Variants in TMEM117 observed in about 807,000 individuals in gnomAD.
The protein encoded by TMEM117 is transmembrane protein 117.
TMEM117 carries 27 observed loss-of-function variants against 52.4 expected under a neutral mutation model. That is an observed-to-expected ratio of 0.51 (90% CI 0.38 to 0.71). The LOEUF is 0.71. Ranked by LOEUF, TMEM117 falls within the 30% of genes least tolerant of loss-of-function variation. TMEM117 has a pLI of 0.00. For missense variants in TMEM117, 556 were observed against 630.5 expected (o/e 0.88, Z 1.26); for synonymous variants, 215 against 206.3 (o/e 1.04, Z -0.36).
intron 3 of TMEM117, among the ~76,000 whole-genome samples, chr12:44,044,421 T>C (rs1283942972): frequency 1.3e-5 from 2 of 152,186 alleles, no homozygotes; most frequent in Admixed American, 6.5e-5. Flanking sequence ...CCATGCAACC[T>C]GAATGAACTG....
At chr12:44,381,738 G>A (rs1006105303) in intron 7 of TMEM117, among the ~76,000 whole-genome samples, 1 of 152,110 alleles carries the variant, frequency 6.6e-6, no homozygotes, top group Non-Finnish European at 1.5e-5. Flanking sequence ...GTGAGAATGT[G>A]GAAAATAATG....
At chr12:43,967,757 A>G (rs1022447166) in intron 3 of TMEM117, among the ~76,000 whole-genome samples, 1 of 152,234 alleles carries the variant, frequency 6.6e-6, no homozygotes, top group African/African-American at 2.4e-5. Context: ...AGAAACTGAG[A>G]TAATGAATGC....
chr12:43,820,206 TC>T, the TMEM117 span, among the ~76,000 whole-genome samples: 1 of 152,162 alleles, frequency 6.6e-6, no homozygotes, highest in Non-Finnish European at 1.5e-5. Context: ...CAAGCGATTC[TC>T]CTGCCTCAGG....
chr12:44,069,588 C>T (rs994134504), intron 3 of TMEM117, among the ~76,000 whole-genome samples: 18 of 152,220 alleles, frequency 1.2e-4, no homozygotes, highest in African/African-American at 3.4e-4. Context: ...GGGGGCCTGA[C>T]TGAGTAGGGC....
intron 5 of TMEM117, among the ~76,000 whole-genome samples, chr12:44,261,133 CA>C (rs1268836143): frequency 1.3e-5 from 2 of 151,860 alleles, no homozygotes; most frequent in African/African-American, 4.8e-5. Flanking sequence ...TTAAAAAAAT[CA>C]ATTAAAAAAT....
chr12:44,046,255 A>T (rs189913224), intron 3 of TMEM117, among the ~76,000 whole-genome samples: 3 of 152,244 alleles, frequency 2.0e-5, no homozygotes, highest in African/African-American at 7.2e-5. Flanking sequence ...CACAACAACA[A>T]TTCCATTAAA....
intron 3 of TMEM117, among the ~76,000 whole-genome samples, chr12:44,095,996 G>C (rs982688915): frequency 1.3e-5 from 2 of 152,136 alleles, no homozygotes; most frequent in African/African-American, 4.8e-5. Flanking sequence ...ATCTCCTTAA[G>C]CTGATAAGCA....
At position 43,937,714 on chromosome 12, in the gene TMEM117, T is replaced by A. The variant is rs116512469; in HGVS notation, c.278-6496T>A. ...AGGATTCCATACAGTGGAATATTAT[T>A]TGTTCATTTATTTGTATAGCCTTTT... On this transcript the variant is annotated intron_variant, in intron 2 of 7. Transcript: ENST00000266534. Among the ~76,000 whole-genome samples the A allele has an allele frequency of 7.0e-3, 1,059 of 152,252 alleles. 10 individuals are homozygous for A. The highest frequency in any genetic ancestry group is 0.023 in the African/African-American group (955 of 41,520).
chr12:44,260,673 A>G (rs1470790854), intron 5 of TMEM117, among the ~76,000 whole-genome samples: 1 of 152,206 alleles, frequency 6.6e-6, no homozygotes, highest in Non-Finnish European at 1.5e-5. Flanking sequence ...ACTTCAGACT[A>G]CATGAGTTTA....
chr12:43,854,265 A>G (rs1218998732), intron 2 of TMEM117, among the ~76,000 whole-genome samples: 1 of 152,112 alleles, frequency 6.6e-6, no homozygotes, highest in Non-Finnish European at 1.5e-5. Flanking sequence ...TGCCTGCAAT[A>G]ATTCTGGCTT....
chr12:43,878,560 A>G (rs1943843081), intron 2 of TMEM117, among the ~76,000 whole-genome samples: 1 of 152,234 alleles, frequency 6.6e-6, no homozygotes, highest in African/African-American at 2.4e-5. Flanking sequence ...AATATAGAAT[A>G]AAATAAGGTG....
At chr12:44,308,619 C>CT (rs35047531) in intron 6 of TMEM117, among the ~76,000 whole-genome samples, 12,174 of 137,896 alleles carry the variant, frequency 0.088, 866 homozygotes, top group African/African-American at 0.19. Context: ...TTCTTTGTAA[C>CT]TTTTTTTTTT....
chr12:44,391,295 A>G (rs1208989071), downstream of TMEM117, among the ~76,000 whole-genome samples: 2 of 152,036 alleles, frequency 1.3e-5, no homozygotes, highest in African/African-American at 4.8e-5. Flanking sequence ...TCATCACCAC[A>G]TGTCTATTTG....
At chr12:43,851,819 A>T (rs1426837664) in intron 2 of TMEM117, among the ~76,000 whole-genome samples, 2 of 152,206 alleles carry the variant, frequency 1.3e-5, no homozygotes, top group African/African-American at 4.8e-5. Flanking sequence ...AGTGATGAAA[A>T]TTGTAAGTTC....
At chr12:44,055,403 C>G (rs1947038098) in intron 3 of TMEM117, among the ~76,000 whole-genome samples, 1 of 152,124 alleles carries the variant, frequency 6.6e-6, no homozygotes, top group Non-Finnish European at 1.5e-5. Flanking sequence ...ATATATATCT[C>G]TTACAATACA....
At chr12:44,283,148 C>T (rs919584409) in intron 5 of TMEM117, among the ~76,000 whole-genome samples, 2 of 152,196 alleles carry the variant, frequency 1.3e-5, no homozygotes, top group South Asian at 2.1e-4. Flanking sequence ...GCTGCAGGGG[C>T]GAGGCCCTCA....
At chr12:44,093,049 G>A (rs553888270) in intron 3 of TMEM117, among the ~76,000 whole-genome samples, 1 of 152,164 alleles carries the variant, frequency 6.6e-6, no homozygotes, top group African/African-American at 2.4e-5. Context: ...GGGGGTGGGA[G>A]GAAGGAGCAA....
chr12:44,159,840 A>C (rs1948875219), intron 4 of TMEM117, among the ~76,000 whole-genome samples: 1 of 152,196 alleles, frequency 6.6e-6, no homozygotes, highest in Non-Finnish European at 1.5e-5. Context: ...ATAATACTAA[A>C]AAATAATTTT....
intron 6 of TMEM117, among the ~76,000 whole-genome samples, chr12:44,359,695 T>C (rs1951696635): frequency 2.6e-5 from 4 of 152,022 alleles, no homozygotes; most frequent in Admixed American, 2.0e-4. Flanking sequence ...TTTCCGGGAA[T>C]AGAATTACCA....
Sources: gnomAD v4.1 joint callset for allele counts (sites outside exome capture counted in the v4.1 genomes callset) on GRCh38, gnomAD v4.1.1 for gene constraint, MANE v1.5 for transcripts, NCBI Gene and HGNC (gene_info 2026-07-23, HGNC 2026-07-21) for gene names.